Variants in ASTN1 observed in about 807,000 individuals in gnomAD.
ASTN1 encodes the protein astrotactin 1.
In ASTN1, 41 loss-of-function variants were observed where a neutral mutation model predicts 140.7. That is an observed-to-expected ratio of 0.29 (90% CI 0.23 to 0.38). The LOEUF is 0.38. Ranked by LOEUF, ASTN1 falls within the 10% of genes least tolerant of loss-of-function variation. The pLI is 1.00. For missense variants in ASTN1, 1,479 were observed against 1,678.8 expected, an observed-to-expected ratio of 0.88 and a Z score of 2.08; for synonymous variants, 640 against 652.2, an observed-to-expected ratio of 0.98 and a Z score of 0.29.
At chr1:177,138,449 A>G (rs1389850939) in intron 1 of ASTN1, among the ~76,000 whole-genome samples, 1 of 152,216 alleles carries the variant, frequency 6.6e-6, no homozygotes, top group Non-Finnish European at 1.5e-5. Context: ...GTGGAGGGGA[A>G]GCCATTGAGG....
chr1:176,991,450 A>G, intron 8 of ASTN1, among the ~76,000 whole-genome samples: 1 of 150,094 alleles, frequency 6.7e-6, no homozygotes, highest in Non-Finnish European at 1.5e-5. Flanking sequence ...AAAAAAAAAA[A>G]AAAAAAAACC....
At chr1:176,869,703 G>A (rs1668261872) in intron 21 of ASTN1, among the ~76,000 whole-genome samples, 1 of 152,146 alleles carries the variant, frequency 6.6e-6, no homozygotes, top group South Asian at 2.1e-4. Context: ...ATCCATGATT[G>A]GTCTGAGTGT....
At chr1:177,156,351 T>C (rs899443162) in intron 1 of ASTN1, among the ~76,000 whole-genome samples, 1 of 150,918 alleles carries the variant, frequency 6.6e-6, no homozygotes, top group Non-Finnish European at 1.5e-5. Flanking sequence ...GCAGGTAATA[T>C]GCAAGATGAC....
At chr1:177,156,270 A>C (rs1268088963) in intron 1 of ASTN1, among the ~76,000 whole-genome samples, 1 of 142,592 alleles carries the variant, frequency 7.0e-6, no homozygotes, top group Non-Finnish European at 1.5e-5. Flanking sequence ...ACTCCGTCTC[A>C]AAAAAAAAAA....
At chr1:177,026,791 TC>T (rs1398277262) in intron 5 of ASTN1, among the ~76,000 whole-genome samples, 3 of 152,098 alleles carry the variant, frequency 2.0e-5, no homozygotes, top group African/African-American at 7.2e-5. Context: ...ATTCTTTCCA[TC>T]CCTCCCTACC....
chr1:176,968,288 A>G (rs1386899464), intron 8 of ASTN1, among the ~76,000 whole-genome samples: 2 of 152,276 alleles, frequency 1.3e-5, no homozygotes, highest in African/African-American at 4.8e-5. Context: ...AAATTGATCA[A>G]TTACATGCAT....
intron 8 of ASTN1, among the ~76,000 whole-genome samples, chr1:176,983,670 G>C (rs1172445564): frequency 1.3e-5 from 2 of 152,166 alleles, no homozygotes; most frequent in Non-Finnish European, 2.9e-5. Context: ...CTGATTTGGG[G>C]TGTGAGGATG....
intron 1 of ASTN1, among the ~76,000 whole-genome samples, chr1:177,104,951 T>C (rs1558098159): frequency 1.3e-5 from 2 of 152,228 alleles, no homozygotes; most frequent in Non-Finnish European, 1.5e-5. Flanking sequence ...CATTTTGAAA[T>C]GAGTTCCTCT....
At chr1:177,018,741 G>C (rs1012911450) in intron 7 of ASTN1, among the ~76,000 whole-genome samples, 1 of 152,098 alleles carries the variant, frequency 6.6e-6, no homozygotes, top group African/African-American at 2.4e-5. Context: ...AAAGAGAAAG[G>C]TCACTGAAAC....
intron 1 of ASTN1, among the ~76,000 whole-genome samples, chr1:177,150,341 A>G (rs1265341570): frequency 3.3e-5 from 5 of 151,628 alleles, no homozygotes; most frequent in Admixed American, 6.6e-5. Flanking sequence ...AAACAGGAGA[A>G]TCTACACACA....
At chr1:176,934,528 C>G (rs1422916915) in intron 15 of ASTN1, among the ~76,000 whole-genome samples, 188 bp from the exon 16 acceptor site, 5 of 152,004 alleles carry the variant, frequency 3.3e-5, no homozygotes, top group Admixed American at 2.0e-4. Context: ...AAGTGAGTAT[C>G]TTTTAAGCCA....
At chr1:177,149,725 AATAT>A (rs1355450577) in intron 1 of ASTN1, among the ~76,000 whole-genome samples, 1 of 70,518 alleles carries the variant, frequency 1.4e-5, no homozygotes, top group Non-Finnish European at 2.2e-5. Context: ...ATACATAGTA[AATAT>A]ATATACACTG....
chr1:176,914,501 A>G (rs560678504), intron 16 of ASTN1, among the ~76,000 whole-genome samples: 1 of 152,318 alleles, frequency 6.6e-6, no homozygotes, highest in East Asian at 1.9e-4. Context: ...TTAACTGGAT[A>G]AAGAATAAGC....
At chr1:176,996,408 C>T (rs928313115) in intron 8 of ASTN1, among the ~76,000 whole-genome samples, 2 of 152,040 alleles carry the variant, frequency 1.3e-5, no homozygotes, top group African/African-American at 4.8e-5. Context: ...TCCAGAACTT[C>T]CCAGGCAGTT....
rs759305392 is a variant in ASTN1 at position 176,958,313 on chromosome 1, A to G, written c.1736+32T>C. Reference sequence around the variant, plus strand: ...GTTTCTCATTCTGCTTCCCAAGCCAATTGCAGGCCTCAGTCCTGAAGCCAG... The same window carrying G: ...GTTTCTCATTCTGCTTCCCAAGCCAGTTGCAGGCCTCAGTCCTGAAGCCAG... On this transcript the variant is annotated intron_variant, in intron 10 of 22. Coordinates refer to ENST00000361833, the MANE Select transcript of ASTN1 (RefSeq NM_004319.3). 12 of 1,611,794 alleles carry G rather than the reference A, an allele frequency of 7.4e-6. No individual in the cohort carries two copies. In the East Asian group the frequency reaches 1.1e-4, roughly 15 times the overall value.
chr1:176,920,948 T>C (rs890442658), intron 16 of ASTN1, among the ~76,000 whole-genome samples: 14 of 152,312 alleles, frequency 9.2e-5, no homozygotes, highest in South Asian at 4.1e-4. Context: ...GACAGCAATA[T>C]GTCAACAATA....
chr1:177,001,043 A>G (rs2101913262), intron 8 of ASTN1, among the ~76,000 whole-genome samples: 1 of 152,362 alleles, frequency 6.6e-6, no homozygotes, highest in Middle Eastern at 3.4e-3. Flanking sequence ...TTCAGAAAAC[A>G]GAGGTCTGTG....
chr1:177,142,789 G>A (rs1277519504), intron 1 of ASTN1, among the ~76,000 whole-genome samples: 2 of 151,690 alleles, frequency 1.3e-5, no homozygotes, highest in Non-Finnish European at 2.9e-5. Flanking sequence ...ATTTCTATAA[G>A]GACAATGAAA....
intron 1 of ASTN1, among the ~76,000 whole-genome samples, chr1:177,145,498 A>T (rs1327629429): frequency 6.6e-6 from 1 of 152,200 alleles, no homozygotes; most frequent in Non-Finnish European, 1.5e-5. Context: ...GAAATTTCCC[A>T]TATGGCCGAA....
Sources: allele counts gnomAD v4.1 joint callset (sites outside exome capture counted in the v4.1 genomes callset), GRCh38; gene constraint gnomAD v4.1.1; transcripts MANE v1.5; gene names NCBI Gene and HGNC (gene_info 2026-07-23, HGNC 2026-07-21).